Variants in ABLIM2 observed in about 807,000 individuals in gnomAD.
ABLIM2 encodes the protein actin-binding LIM protein 2.
Under a neutral mutation model 97.7 loss-of-function variants are expected in ABLIM2, and 53 were observed. The ratio of observed to expected loss-of-function variants is 0.54; its 90% CI spans 0.44 to 0.68. The LOEUF (loss-of-function observed/expected upper bound fraction) is 0.68, where lower values mean the gene tolerates loss of function less well. Among genes scored for constraint, ABLIM2 ranks in the 30% least tolerant of loss-of-function variants. The pLI is 0.00. For missense variants in ABLIM2, 835 were observed against 867.2 expected, an observed-to-expected ratio of 0.96 and a Z score of 0.47; for synonymous variants, 361 against 345.8, an observed-to-expected ratio of 1.04 and a Z score of -0.49.
In ABLIM2 at chr4:8,044,164, G is replaced by A. The variant is rs1790590397; in HGVS notation, c.900+1000C>T. Among the ~76,000 whole-genome samples, 1 of 152,162 alleles carries A rather than the reference G, an allele frequency of 6.6e-6. No homozygotes were observed. Among genetic ancestry groups the A allele is most frequent in the African/African-American group, 2.4e-5 (1 of 41,426 alleles). On this transcript the variant is annotated intron_variant, in intron 9 of 20. Transcript: ENST00000447017. The surrounding 1 kb of genome is among the most constrained non-coding windows in gnomAD (Gnocchi z 4.4). ...TCCAATAAACTGTCTTAAAGTTCTG[G>A]AGCCTAGAAACCCAGTGGATCCAGC... is the stretch of plus-strand genomic sequence containing the variant.
At chr4:8,154,158 T>A (rs1185997140) in intron 1 of ABLIM2, among the ~76,000 whole-genome samples, 3 of 151,666 alleles carry the variant, frequency 2.0e-5, no homozygotes, top group Non-Finnish European at 4.4e-5. Context: ...GAGATGGGGT[T>A]TCACTGTGTT....
intron 12 of ABLIM2, among the ~76,000 whole-genome samples, chr4:8,025,964 G>A (rs1777057702): frequency 6.6e-6 from 1 of 152,220 alleles, no homozygotes; most frequent in Non-Finnish European, 1.5e-5. Context: ...AGCCCCTGCT[G>A]GCCATGCTTC....
At position 8,054,319 on chromosome 4, in the gene ABLIM2, G is replaced by A; in HGVS notation, c.764-73C>T. 1.3e-6 allele frequency: 2 copies of A among 1,524,908 alleles called. No homozygotes were observed. Among genetic ancestry groups the A allele is most frequent in the Non-Finnish European group, 1.8e-6 (2 of 1,104,494 alleles). 94.5% of individuals were successfully genotyped at this position (1,524,908 alleles called of 1,614,324 possible). A position where few individuals can be genotyped will look rare whatever the true frequency, so the allele number is the denominator to read the frequency against. On this transcript the variant is annotated intron_variant, in intron 7 of 20. Coordinates refer to ENST00000447017, the MANE Select transcript of ABLIM2 (RefSeq NM_001130083.2). This position sits in a 1 kb window ranked among gnomAD's most constrained non-coding sequence, Gnocchi z 4.9. The stretch of plus-strand genomic sequence containing the variant: ...TTGCAGGGGCCTGTGTGGAAACGCA[G>A]AGGAGGGAGCTGGTCCATGCACAGA...
rs1211237842 is a variant in ABLIM2 at position 8,058,912 on chromosome 4, T to C, written c.763+2055A>G. Reference sequence around the variant, plus strand: ...CCTTAGCCTGTCTTCGGCAACCATCTTGTGGGGTCAGTTCAGCAAGAAGCC... The same window carrying C: ...CCTTAGCCTGTCTTCGGCAACCATCCTGTGGGGTCAGTTCAGCAAGAAGCC... On this transcript the variant is annotated intron_variant, in intron 7 of 20. Transcript: ENST00000447017. This position sits in a 1 kb window ranked among gnomAD's most constrained non-coding sequence, Gnocchi z 4.2. Among the ~76,000 whole-genome samples, 1 of 152,082 alleles carries C rather than the reference T, an allele frequency of 6.6e-6. No individual in the cohort carries two copies. Among genetic ancestry groups the C allele is most frequent in the Non-Finnish European group, 1.5e-5 (1 of 68,024 alleles).
chr4:7,983,593 G>A, intron 18 of ABLIM2, 39 bp from the exon 19 acceptor site: 2 of 1,610,034 alleles, frequency 1.2e-6, no homozygotes, highest in Non-Finnish European at 1.7e-6. Context: ...AAATGGTTTA[G>A]AAAGTGCAAG....
Position 8,158,670 on chromosome 4 carries a change from C to T in ABLIM2, c.10+10G>A, listed in dbSNP as rs1361129434. Reference sequence around the variant, plus strand: ...GGGGACCCGTTGGTCCCTCGGTCCCCAGCACCCACCTGCACTCATCTCAGC... The same window carrying T: ...GGGGACCCGTTGGTCCCTCGGTCCCTAGCACCCACCTGCACTCATCTCAGC... On this transcript the variant is annotated intron_variant, in intron 1 of 20. Transcript: ENST00000447017. The T allele has an allele frequency of 3.3e-6, 5 of 1,503,536 alleles. No homozygotes were observed. The South Asian group carries it at 6.2e-5, about 19-fold the overall frequency. 93.1% of individuals were successfully genotyped at this position (1,503,536 alleles called of 1,614,324 possible).
In ABLIM2 at chr4:7,966,959, G is replaced by A. The variant is rs371638974; in HGVS notation, c.*31C>T. 1.9e-5 allele frequency: 28 copies of A among 1,444,942 alleles called. No homozygotes were observed. In the Admixed American group the frequency reaches 2.8e-4, roughly 14 times the overall value. 89.5% of individuals were successfully genotyped at this position (1,444,942 alleles called of 1,614,324 possible). A position where few individuals can be genotyped will look rare whatever the true frequency, so the allele number is the denominator to read the frequency against. On this transcript the variant is annotated 3_prime_UTR_variant, in exon 21 of 21. Coordinates refer to ENST00000447017, the MANE Select transcript of ABLIM2 (RefSeq NM_001130083.2). ...CCAGGGGCCCCTGGCCTCGGCGCCC[G>A]GCACACACCAGTGGGGCAGGCTGGC...
rs1820863266 is a variant in ABLIM2 at position 8,082,945 on chromosome 4, T to A, written c.455-2143A>T. On this transcript the variant is annotated intron_variant, in intron 4 of 20. Transcript: ENST00000447017. This position sits in a 1 kb window ranked among gnomAD's most constrained non-coding sequence, Gnocchi z 5.6. Reference sequence around the variant, plus strand: ...CACATTTTGCAAAGCTCTGCATCAGTGGCTCTCAACTTGGGGCACTTTTGC... The same window carrying A: ...CACATTTTGCAAAGCTCTGCATCAGAGGCTCTCAACTTGGGGCACTTTTGC... 6.6e-6 allele frequency among the ~76,000 whole-genome samples: 1 copy of A among 152,220 alleles called. No homozygotes were observed. Among genetic ancestry groups the A allele is most frequent in the Admixed American group, 6.5e-5 (1 of 15,278 alleles).
chr4:7,973,018 C>G (rs1455311515), intron 20 of ABLIM2, among the ~76,000 whole-genome samples: 1 of 150,490 alleles, frequency 6.6e-6, no homozygotes, highest in East Asian at 2.0e-4. Flanking sequence ...GGCCTCAGGG[C>G]CTGGAAGACG....
chr4:8,031,339 C>T (rs1259301275), intron 10 of ABLIM2, among the ~76,000 whole-genome samples: 1 of 118,088 alleles, frequency 8.5e-6, no homozygotes, highest in East Asian at 2.3e-4. Context: ...TCAGGCAGAC[C>T]CTGCACCTCA....
At chr4:7,980,530 C>T (rs367818299) in intron 20 of ABLIM2, among the ~76,000 whole-genome samples, 53 of 152,142 alleles carry the variant, frequency 3.5e-4, no homozygotes, top group South Asian at 1.9e-3. Context: ...GCCTGGCCAA[C>T]GTGGTGAAAC....
intron 1 of ABLIM2, among the ~76,000 whole-genome samples, chr4:8,154,735 C>G (rs1714692718): frequency 6.6e-6 from 1 of 152,230 alleles, no homozygotes; most frequent in Admixed American, 6.5e-5. Context: ...TTGTTCTCGT[C>G]TGTTGCTGAA....
intron 1 of ABLIM2, among the ~76,000 whole-genome samples, chr4:8,143,157 A>AGTTG (rs1851257519): frequency 8.1e-5 from 2 of 24,562 alleles, no homozygotes; most frequent in South Asian, 1.5e-3. Flanking sequence ...CGGGGGCGAG[A>AGTTG]GTGGGGGGGG....
In ABLIM2 at chr4:8,019,089, C is replaced by G. The variant is rs1224803865; in HGVS notation, c.1423+529G>C. Reference sequence around the variant, plus strand: ...CCAGGCAGGTTCACGTGGAGCAGAGCTGGGCGTCAGCTCCTATTTGCTTAT... The same window carrying G: ...CCAGGCAGGTTCACGTGGAGCAGAGGTGGGCGTCAGCTCCTATTTGCTTAT... On this transcript the variant is annotated intron_variant, in intron 14 of 20. Coordinates refer to ENST00000447017, the MANE Select transcript of ABLIM2 (RefSeq NM_001130083.2). The surrounding 1 kb of genome is among the most constrained non-coding windows in gnomAD (Gnocchi z 4.3). 6.6e-6 allele frequency among the ~76,000 whole-genome samples: 1 copy of G among 152,214 alleles called. No homozygotes were observed. Among genetic ancestry groups the G allele is most frequent in the Admixed American group, 6.5e-5 (1 of 15,282 alleles).
chr4:8,026,068 C>A (rs1777136126), intron 12 of ABLIM2, among the ~76,000 whole-genome samples: 1 of 152,182 alleles, frequency 6.6e-6, no homozygotes, highest in African/African-American at 2.4e-5. Context: ...AGTGCAGTGG[C>A]ACAATCGTAG....
chr4:8,054,300 G>A lies in ABLIM2; in HGVS notation c.764-54C>T. The A allele has an allele frequency of 6.3e-7, 1 of 1,590,598 alleles. No homozygotes were observed. The highest frequency in any genetic ancestry group is 8.6e-7 in the Non-Finnish European group (1 of 1,160,302). On this transcript the variant is annotated intron_variant, in intron 7 of 20. Transcript: ENST00000447017. This position sits in a 1 kb window ranked among gnomAD's most constrained non-coding sequence, Gnocchi z 4.9. The stretch of plus-strand genomic sequence containing the variant: ...ATTAGAGTTATTTCCCATGTTGCAG[G>A]GGCCTGTGTGGAAACGCAGAGGAGG...
Position 7,966,641 on chromosome 4 carries a change from C to A in ABLIM2, c.*349G>T. 4.0e-6 allele frequency: 1 copy of A among 249,416 alleles called. No individual in the cohort carries two copies. Among genetic ancestry groups the A allele is most frequent in the Non-Finnish European group, 7.8e-6 (1 of 128,972 alleles). The allele number at this position is 249,416 out of a possible 1,614,324, so 15.5% of individuals were successfully genotyped here. On this transcript the variant is annotated 3_prime_UTR_variant, in exon 21 of 21. Transcript: ENST00000447017. ...TCACGTCCCGGCCACCTCTGTCCCC[C>A]ACGTGCCCAGCACCGGGGCCAGGGC...
rs576721253 is a variant in ABLIM2, at chr4:8,151,365, C to A, written c.10+7315G>T. Among the ~76,000 whole-genome samples, 3 of 152,268 alleles carry A rather than the reference C, an allele frequency of 2.0e-5. No individual in the cohort carries two copies. The South Asian group carries it at 6.2e-4, about 32-fold the overall frequency. On this transcript the variant is annotated intron_variant, in intron 1 of 20. Transcript: ENST00000447017. ...GCACCCACAAGGACCAGTGAGCGTC[C>A]CAGAATCCAAAGCCCCCTCCTCCGC...
chr4:8,124,756 C>A lies in ABLIM2; in HGVS notation c.11-18119G>T, dbSNP rs1476405477. Reference sequence around the variant, plus strand: ...ATTCGTGTGGACATAGGTTTGCATGCTTTTTGGGTAGATACCCAGGAGTGG... The same window carrying A: ...ATTCGTGTGGACATAGGTTTGCATGATTTTTGGGTAGATACCCAGGAGTGG... On this transcript the variant is annotated intron_variant, in intron 1 of 20. Coordinates refer to ENST00000447017, the MANE Select transcript of ABLIM2 (RefSeq NM_001130083.2). The surrounding 1 kb of genome is among the most constrained non-coding windows in gnomAD (Gnocchi z 6.1). 1.3e-5 allele frequency among the ~76,000 whole-genome samples: 2 copies of A among 152,108 alleles called. No individual in the cohort carries two copies. Among genetic ancestry groups the A allele is most frequent in the African/African-American group, 4.8e-5 (2 of 41,398 alleles).
Sources: allele counts gnomAD v4.1 joint callset (sites outside exome capture counted in the v4.1 genomes callset), GRCh38; gene constraint gnomAD v4.1.1; non-coding constraint Gnocchi (gnomAD v3.1); transcripts MANE v1.5; gene names NCBI Gene and HGNC (gene_info 2026-07-23, HGNC 2026-07-21).